ZHX2: variants seen among roughly 807,000 people sequenced by gnomAD.
ZHX2 encodes the protein zinc fingers and homeoboxes protein 2.
A neutral mutation model predicts 21.9 loss-of-function variants in ZHX2; 6 were observed. The ratio of observed to expected loss-of-function variants is 0.27; its 90% CI spans 0.15 to 0.54. The LOEUF is 0.54. ZHX2 is among the 20% of genes least tolerant of loss of function. The pLI is 0.95. For missense variants in ZHX2, 908 were observed against 1,090.7 expected (o/e 0.83, Z 2.36); for synonymous variants, 434 against 437.1 (o/e 0.99, Z 0.09).
Position 122,974,113 on chromosome 8 carries a change from G to C in ZHX2, c.*876G>C, listed in dbSNP as rs1045278369. The C allele has an allele frequency of 1.3e-5, 2 of 152,514 alleles. No individual in the cohort carries two copies. Among genetic ancestry groups the C allele is most frequent in the African/African-American group, 4.8e-5 (2 of 41,418 alleles). 9.4% of individuals were successfully genotyped at this position (152,514 alleles called of 1,614,324 possible). A position where few individuals can be genotyped will look rare whatever the true frequency, so the allele number is the denominator to read the frequency against. On this transcript the variant is annotated 3_prime_UTR_variant, in exon 4 of 4. Transcript: ENST00000314393. Reference sequence around the variant, plus strand: ...TGTGACATTAAAACAACAACAATAAGATCTTCCTATCTGGAGGGTACAGAG... The same window carrying C: ...TGTGACATTAAAACAACAACAATAACATCTTCCTATCTGGAGGGTACAGAG...
intron 2 of ZHX2, among the ~76,000 whole-genome samples, chr8:122,924,308 C>T (rs1820803250): frequency 6.6e-6 from 1 of 152,292 alleles, no homozygotes; most frequent in Non-Finnish European, 1.5e-5. Flanking sequence ...CTCAGTGGCT[C>T]TTCACATCAT....
intron 2 of ZHX2, among the ~76,000 whole-genome samples, chr8:122,899,134 GC>G (rs1421061713): frequency 6.6e-6 from 1 of 152,090 alleles, no homozygotes; most frequent in Non-Finnish European, 1.5e-5. Flanking sequence ...TAAATCCAAG[GC>G]CTCATACAGG....
At chr8:122,851,071 G>T (rs28432059) in intron 1 of ZHX2, among the ~76,000 whole-genome samples, 4 of 152,030 alleles carry the variant, frequency 2.6e-5, no homozygotes, top group East Asian at 1.9e-4. Context: ...CACATGTTTC[G>T]CATGGAACTC....
At position 122,951,454 on chromosome 8, in the gene ZHX2, T is replaced by C; in HGVS notation, c.-57T>C. The C allele has an allele frequency of 2.7e-6, 4 of 1,476,232 alleles. No individual in the cohort carries two copies. The South Asian group carries it at 5.1e-5, about 19-fold the overall frequency. The allele number at this position is 1,476,232 out of a possible 1,614,324, so 91.4% of individuals were successfully genotyped here. A position where few individuals can be genotyped will look rare whatever the true frequency, so the allele number is the denominator to read the frequency against. On this transcript the variant is annotated 5_prime_UTR_variant, in exon 3 of 4. Transcript: ENST00000314393. ...TTTCACCTTATTCGTTCCAAGAATC[T>C]CACCGCCCCCTCCTTATCCCCCTCC...
chr8:122,861,569 A>G (rs1488724629), intron 1 of ZHX2, among the ~76,000 whole-genome samples: 1 of 152,150 alleles, frequency 6.6e-6, no homozygotes, highest in Non-Finnish European at 1.5e-5. Flanking sequence ...GAGCAAGAGC[A>G]TATGGAGTTG....
At chr8:122,893,755 C>T (rs1040815277) in intron 2 of ZHX2, among the ~76,000 whole-genome samples, 1 of 152,078 alleles carries the variant, frequency 6.6e-6, no homozygotes, top group Non-Finnish European at 1.5e-5. Context: ...TATCTGTATT[C>T]TTTGTATCTT....
At chr8:122,844,721 TTCTC>T (rs146798797) in intron 1 of ZHX2, among the ~76,000 whole-genome samples, 6 of 151,206 alleles carry the variant, frequency 4.0e-5, no homozygotes, top group South Asian at 2.1e-4. Context: ...CTCTCTCTCT[TTCTC>T]TCTCTCTCTC....
At chr8:122,889,579 A>T (rs1270455240) in intron 2 of ZHX2, among the ~76,000 whole-genome samples, 1 of 151,916 alleles carries the variant, frequency 6.6e-6, no homozygotes, top group Non-Finnish European at 1.5e-5. Context: ...TTGGATTTTT[A>T]TTTTTTGCTG....
At chr8:122,806,585 G>T (rs957874557) in intron 1 of ZHX2, among the ~76,000 whole-genome samples, 10 of 152,182 alleles carry the variant, frequency 6.6e-5, no homozygotes, top group African/African-American at 2.4e-4. Flanking sequence ...AGAGTACAGG[G>T]TTAAGCAAAG....
At chr8:122,862,369 G>A (rs1280127523) in intron 1 of ZHX2, among the ~76,000 whole-genome samples, 4 of 152,208 alleles carry the variant, frequency 2.6e-5, no homozygotes, top group African/African-American at 9.7e-5. Context: ...GTTTCCCCAC[G>A]TGGAGAATGG....
chr8:122,933,300 C>T (rs536076355), intron 2 of ZHX2, among the ~76,000 whole-genome samples: 1 of 152,314 alleles, frequency 6.6e-6, no homozygotes, highest in African/African-American at 2.4e-5. Flanking sequence ...CTCGCAGCCT[C>T]TCTAAATGTT....
intron 2 of ZHX2, among the ~76,000 whole-genome samples, chr8:122,882,842 T>C (rs1819746264): frequency 6.6e-6 from 1 of 151,806 alleles, no homozygotes; most frequent in African/African-American, 2.4e-5. Context: ...ATTACCCAGG[T>C]GTGGTGGTGC....
At chr8:122,846,454 G>A (rs1818753256) in intron 1 of ZHX2, among the ~76,000 whole-genome samples, 1 of 152,048 alleles carries the variant, frequency 6.6e-6, no homozygotes, top group South Asian at 2.1e-4. Flanking sequence ...GGGAACCAGG[G>A]AGCAAGTAAT....
At chr8:122,827,725 T>C (rs1400148696) in intron 1 of ZHX2, among the ~76,000 whole-genome samples, 1 of 152,242 alleles carries the variant, frequency 6.6e-6, no homozygotes, top group East Asian at 1.9e-4. Flanking sequence ...TCGGCAGCCC[T>C]CTTTAAAGTA....
At chr8:122,959,481 A>T (rs1235244705) in intron 3 of ZHX2, among the ~76,000 whole-genome samples, 3 of 152,156 alleles carry the variant, frequency 2.0e-5, no homozygotes. Flanking sequence ...CCTGTACCAG[A>T]CCCTTACCGG....
chr8:122,972,551 C>T (rs955863514), intron 3 of ZHX2, among the ~76,000 whole-genome samples: 1 of 152,086 alleles, frequency 6.6e-6, no homozygotes, highest in Non-Finnish European at 1.5e-5. Flanking sequence ...AATATTTACA[C>T]CTCTTAGAAT....
At chr8:122,947,168 AG>A (rs1812998074) in intron 2 of ZHX2, among the ~76,000 whole-genome samples, 2 of 151,148 alleles carry the variant, frequency 1.3e-5, no homozygotes. Context: ...TGGGAGGCTA[AG>A]GCAGGAAAAT....
intron 2 of ZHX2, among the ~76,000 whole-genome samples, chr8:122,921,712 G>C (rs1355827376): frequency 6.6e-6 from 1 of 152,040 alleles, no homozygotes; most frequent in Non-Finnish European, 1.5e-5. Flanking sequence ...GGAGAAAATG[G>C]CAACTATGTG....
chr8:122,786,343 T>C (rs905083872), intron 1 of ZHX2, among the ~76,000 whole-genome samples: 2 of 152,186 alleles, frequency 1.3e-5, no homozygotes, highest in South Asian at 2.1e-4. Context: ...TATCAGAGCA[T>C]GTCAGAGGCC....
Sources: gnomAD v4.1 joint callset for allele counts (sites outside exome capture counted in the v4.1 genomes callset) on GRCh38, gnomAD v4.1.1 for gene constraint, MANE v1.5 for transcripts, NCBI Gene and HGNC (gene_info 2026-07-23, HGNC 2026-07-21) for gene names.